INPP4B: variants seen among roughly 807,000 people sequenced by gnomAD.
INPP4B encodes inositol polyphosphate-4-phosphatase type II B, also known as inositol polyphosphate 4-phosphatase type II.
Under a neutral mutation model 122.5 loss-of-function variants are expected in INPP4B, and 55 were observed. That is an observed-to-expected ratio of 0.45 (90% confidence interval 0.36 to 0.56). The LOEUF is 0.56. INPP4B is among the 20% of genes least tolerant of loss of function. The pLI is 0.00. For synonymous variants in INPP4B, 403 were observed against 388.7 expected (o/e 1.04, Z -0.43); for missense variants, 1,000 against 1,097.7 (o/e 0.91, Z 1.26).
At chr4:142,573,933 T>C (rs967277044) in intron 2 of INPP4B, among the ~76,000 whole-genome samples, 4 of 152,170 alleles carry the variant, frequency 2.6e-5, no homozygotes, top group African/African-American at 9.7e-5. Context: ...TTTATTTGCA[T>C]AGAATTCTAT....
chr4:142,427,411 T>A (rs1028543070), intron 5 of INPP4B: 3 of 522,240 alleles, frequency 5.7e-6, no homozygotes, highest in African/African-American at 4.0e-5. Context: ...TGAAGTTTTT[T>A]ATACTGGTAG....
chr4:142,126,185 T>C (rs1178357589), intron 18 of INPP4B, among the ~76,000 whole-genome samples: 2 of 152,106 alleles, frequency 1.3e-5, no homozygotes, highest in Non-Finnish European at 2.9e-5. Context: ...TATAAATAAA[T>C]TAATGGGTGA....
At chr4:142,029,131 T>C in intron 25 of INPP4B, 1 of 1,255,208 alleles carries the variant, frequency 8.0e-7, no homozygotes, top group Non-Finnish European at 1.0e-6. Flanking sequence ...CTTAAGTCTC[T>C]TTACTCTTAA....
intron 2 of INPP4B, among the ~76,000 whole-genome samples, chr4:142,659,838 C>A (rs1364261656): frequency 4.6e-5 from 7 of 152,122 alleles, no homozygotes; most frequent in African/African-American, 1.4e-4. Flanking sequence ...AATTCCACAG[C>A]TTCACCTTGC....
chr4:142,166,924 C>A (rs1363677304), intron 16 of INPP4B, among the ~76,000 whole-genome samples: 5 of 151,776 alleles, frequency 3.3e-5, no homozygotes, highest in African/African-American at 7.3e-5. Flanking sequence ...AATAGGAACA[C>A]TTTTATACCG....
At chr4:142,123,509 G>T in intron 19 of INPP4B, 94 bp from the exon 20 acceptor site, 2 of 1,236,848 alleles carry the variant, frequency 1.6e-6, no homozygotes, top group Non-Finnish European at 2.2e-6. Context: ...TCACAGATTC[G>T]ATTATCAGGT....
intron 12 of INPP4B, among the ~76,000 whole-genome samples, chr4:142,229,627 G>A (rs761191948): frequency 3.9e-5 from 6 of 152,142 alleles, no homozygotes; most frequent in Non-Finnish European, 7.4e-5. Flanking sequence ...ACTCTCAAGT[G>A]CAGGCACCTC....
At chr4:142,796,521 C>T (rs1777251227) in intron 1 of INPP4B, among the ~76,000 whole-genome samples, 1 of 151,870 alleles carries the variant, frequency 6.6e-6, no homozygotes, top group Admixed American at 6.6e-5. Context: ...AAAAGGGATG[C>T]TGAACAGAGA....
In INPP4B at chr4:142,702,441, G is replaced by A. The variant is rs943014864; in HGVS notation, c.-191+23398C>T. Among the ~76,000 whole-genome samples the A allele has an allele frequency of 4.6e-5, 7 of 151,924 alleles. No individual in the cohort carries two copies. The South Asian group carries it at 6.3e-4, about 14-fold the overall frequency. On this transcript the variant is annotated intron_variant, in intron 2 of 25. Transcript: ENST00000262992. ...GATTATGATTTAAAGCATGAACTTC[G>A]AGGCCAGGCGCGGTGGCTCACGCCT...
At chr4:142,230,119 T>G (rs1288307548) in intron 12 of INPP4B, among the ~76,000 whole-genome samples, 1 of 152,246 alleles carries the variant, frequency 6.6e-6, no homozygotes, top group Non-Finnish European at 1.5e-5. Context: ...AAATAACCAT[T>G]GTTCATATGT....
intron 20 of INPP4B, among the ~76,000 whole-genome samples, chr4:142,122,806 A>G (rs936456081): frequency 6.6e-6 from 1 of 152,136 alleles, no homozygotes; most frequent in Non-Finnish European, 1.5e-5. Context: ...AATCCAGTAT[A>G]TCCAAAATAC....
At chr4:142,759,618 C>T (rs1181874383) in intron 1 of INPP4B, among the ~76,000 whole-genome samples, 1 of 151,818 alleles carries the variant, frequency 6.6e-6, no homozygotes, top group Non-Finnish European at 1.5e-5. Flanking sequence ...CTCATTTCTG[C>T]TACTAAGTTC....
At chr4:142,166,474 G>A (rs112580826) in intron 16 of INPP4B, among the ~76,000 whole-genome samples, 12 of 151,764 alleles carry the variant, frequency 7.9e-5, no homozygotes, top group Non-Finnish European at 1.8e-4. Context: ...CAGGACATAG[G>A]CATGGGCAAA....
At chr4:142,082,667 T>C (rs1578839575) in intron 24 of INPP4B, among the ~76,000 whole-genome samples, 1 of 152,326 alleles carries the variant, frequency 6.6e-6, no homozygotes, top group East Asian at 1.9e-4. Flanking sequence ...AGTCTTGGCT[T>C]TATGTTATGA....
At chr4:142,765,141 G>T (rs1771921697) in intron 1 of INPP4B, among the ~76,000 whole-genome samples, 3 of 152,136 alleles carry the variant, frequency 2.0e-5, no homozygotes, top group Admixed American at 6.6e-5. Context: ...ATGGCATTCT[G>T]CAACAAAGCT....
chr4:142,469,149 T>A (rs1818351744), intron 2 of INPP4B, among the ~76,000 whole-genome samples: 1 of 151,078 alleles, frequency 6.6e-6, no homozygotes, highest in Middle Eastern at 3.4e-3. Flanking sequence ...AAAAAAAAAA[T>A]TCTATTAGAA....
chr4:142,393,732 T>G (rs1798457788), intron 7 of INPP4B, among the ~76,000 whole-genome samples: 8 of 152,218 alleles, frequency 5.3e-5, no homozygotes, highest in Admixed American at 5.2e-4. Context: ...CAGCCATACT[T>G]CAACCAATCA....
At chr4:142,183,084 T>C (rs1200040356) in intron 15 of INPP4B, among the ~76,000 whole-genome samples, 1 of 152,120 alleles carries the variant, frequency 6.6e-6, no homozygotes, top group Non-Finnish European at 1.5e-5. Context: ...TCTCCTACAC[T>C]CTAGAAGCTG....
intron 2 of INPP4B, among the ~76,000 whole-genome samples, chr4:142,566,962 T>G (rs753334523): frequency 6.6e-6 from 1 of 152,164 alleles, no homozygotes; most frequent in Admixed American, 6.5e-5. Flanking sequence ...TTGTAAGGTT[T>G]TTGATAGTCA....
Sources: gnomAD v4.1 joint callset for allele counts (sites outside exome capture counted in the v4.1 genomes callset) on GRCh38, gnomAD v4.1.1 for gene constraint, MANE v1.5 for transcripts, NCBI Gene and HGNC (gene_info 2026-07-23, HGNC 2026-07-21) for gene names.